Variants in SACS observed in about 807,000 individuals in gnomAD.
The protein encoded by SACS is sacsin.
In SACS, 197 loss-of-function variants were observed where a neutral mutation model predicts 348.0. That is an observed-to-expected ratio of 0.57 (90% CI 0.50 to 0.64). The LOEUF (loss-of-function observed/expected upper bound fraction) is 0.64. SACS is among the 30% of genes least tolerant of loss of function. SACS has a pLI of 0.00. For synonymous variants in SACS, 1,985 were observed against 1,910.6 expected (o/e 1.04, Z -1.02); for missense variants, 4,999 against 5,360.8 (o/e 0.93, Z 2.11).
At position 23,411,341 on chromosome 13, in the gene SACS, G is replaced by T; in HGVS notation, c.-102C>A. 1.9e-6 allele frequency: 2 copies of T among 1,067,120 alleles called. No individual in the cohort carries two copies. The highest frequency in any genetic ancestry group is 2.9e-6 in the Non-Finnish European group (2 of 686,958). The allele number at this position is 1,067,120 out of a possible 1,614,324, so 66.1% of individuals were successfully genotyped here. On this transcript the variant is annotated 5_prime_UTR_variant, in exon 2 of 10. Transcript: ENST00000382292. ...TGCTTCCTTTAAATGTGTACTCCAA[G>T]TTCAGCTCTTCCTGCCAGGTGGAAA...
intron 2 of SACS, among the ~76,000 whole-genome samples, chr13:23,410,820 C>G (rs1873450188): frequency 6.6e-6 from 1 of 152,108 alleles, no homozygotes; most frequent in Non-Finnish European, 1.5e-5. Context: ...CTCTTTCTCT[C>G]TCCCCTCTCC....
chr13:23,329,989 T>C lies in SACS; in HGVS notation c.*147A>G. ...AGTTAAGGTTTTCCGTTGGTATTCATGTTCATAACAACTCCAGAATTCTCC... is the reference window on the plus strand; with the variant it reads ...AGTTAAGGTTTTCCGTTGGTATTCACGTTCATAACAACTCCAGAATTCTCC... On this transcript the variant is annotated 3_prime_UTR_variant, in exon 10 of 10. Transcript: ENST00000382292. The C allele has an allele frequency of 4.0e-6, 3 of 745,426 alleles. No homozygotes were observed. The highest frequency in any genetic ancestry group is 2.2e-6 in the Non-Finnish European group (1 of 454,200). 46.2% of individuals were successfully genotyped at this position (745,426 alleles called of 1,614,324 possible).
rs758634289 is a variant in SACS at position 23,354,992 on chromosome 13, T to C, written c.1620A>G (p.Lys540=). 14 of 1,614,230 alleles carry C rather than the reference T, an allele frequency of 8.7e-6. No individual in the cohort carries two copies. The South Asian group carries it at 1.4e-4, about 16-fold the overall frequency. ...ACACCGGTTGCCAGTGCACCTTGAC[T>C]TTGCTCGCCTCCGGCCAAAGCTTAT... ...VIYKLWPEAS[K]VKVHWQPVLE... Residue 540 remains lysine, a synonymous_variant, in exon 8 of 10, where the codon AAA becomes AAG. Coordinates refer to ENST00000382292, the MANE Select transcript of SACS (RefSeq NM_014363.6).
intron 6 of SACS, 59 bp downstream of exon 6, chr13:23,365,107 C>T (rs1311472901): frequency 9.5e-7 from 1 of 1,053,494 alleles, no homozygotes; most frequent in Non-Finnish European, 1.5e-6. Context: ...CATTATTAAT[C>T]ATTAAAAACT....
At chr13:23,418,273 T>C (rs1156719387) in intron 1 of SACS, among the ~76,000 whole-genome samples, 4 of 152,186 alleles carry the variant, frequency 2.6e-5, no homozygotes, top group Non-Finnish European at 5.9e-5. Context: ...TTATCTTTCA[T>C]ATGGATAATA....
intron 1 of SACS, among the ~76,000 whole-genome samples, chr13:23,413,846 G>A (rs1873596198): frequency 6.6e-6 from 1 of 151,964 alleles, no homozygotes; most frequent in Admixed American, 6.6e-5. Flanking sequence ...TGTAAATTTA[G>A]GATTTAAGAA....
Position 23,355,969 on chromosome 13 carries a change from G to C in SACS, c.643C>G (p.Leu215Val). The C allele has an allele frequency of 6.2e-7, 1 of 1,613,944 alleles. No individual in the cohort carries two copies. Among genetic ancestry groups the C allele is most frequent in the Non-Finnish European group, 8.5e-7 (1 of 1,179,988 alleles). Residue 215 changes from leucine (L) to valine (V), a missense_variant, in exon 8 of 10, where the codon CTA becomes GTA. Leu to Val is a conservative substitution (Grantham distance 32). Transcript: ENST00000382292. ...CIFSGDQIGM[L>V]DPHQTLFGPH... ...CCAAAAAGTGTTTGATGAGGATCTA[G>C]CATCCCGATTTGGTCACCACTAAAG...
chr13:23,388,138 C>T (rs1014003402), intron 2 of SACS, among the ~76,000 whole-genome samples: 20 of 152,206 alleles, frequency 1.3e-4, no homozygotes, highest in Non-Finnish European at 2.6e-4. Flanking sequence ...CAAAAAGACA[C>T]CTGCACACAT....
At chr13:23,371,054 C>G in intron 4 of SACS, 24 bp downstream of exon 4, 1 of 1,443,584 alleles carries the variant, frequency 6.9e-7, no homozygotes, top group Non-Finnish European at 9.7e-7. Context: ...ATGGTATATA[C>G]TTCTGGTAAA....
chr13:23,354,998 C>T lies in SACS; in HGVS notation c.1614G>A (p.Ala538=), dbSNP rs1405327643. The part of the protein sequence containing the change: ...VDVIYKLWPE[A]SKVKVHWQPV... Reference sequence around the variant, plus strand: ...GTTGCCAGTGCACCTTGACTTTGCTCGCCTCCGGCCAAAGCTTATAGATAA... The same window carrying T: ...GTTGCCAGTGCACCTTGACTTTGCTTGCCTCCGGCCAAAGCTTATAGATAA... The change falls in exon 8 of 10, where the codon GCG becomes GCA. Residue 538 remains alanine, a synonymous_variant. Transcript: ENST00000382292. 22 of 1,614,094 alleles carry T rather than the reference C, an allele frequency of 1.4e-5. 1 individual carries two copies. The highest frequency in any genetic ancestry group is 2.2e-5 in the South Asian group (2 of 91,084).
intron 2 of SACS, among the ~76,000 whole-genome samples, chr13:23,410,292 A>G (rs17078717): frequency 0.29 from 43,590 of 152,048 alleles, 6,833 homozygotes; most frequent in East Asian, 0.46. Flanking sequence ...TAAAAATCAA[A>G]CCCATAAAGT....
Position 23,333,740 on chromosome 13 carries a change from A to G in SACS, c.10136T>C (p.Leu3379Ser). The G allele has an allele frequency of 1.2e-6, 2 of 1,613,796 alleles. No individual in the cohort carries two copies. Among genetic ancestry groups the G allele is most frequent in the Non-Finnish European group, 1.7e-6 (2 of 1,179,784 alleles). The change falls in exon 10 of 10, where the codon TTA becomes TCA. Residue 3379 changes from leucine (L) to serine (S), a missense_variant. This residue lies in a region of SACS where 734 missense variants were observed against 694.0 expected (regional missense o/e 1.06). Transcript: ENST00000382292. ...AAGTGCCTCAAAATCATTTTCTACT[A>G]ATTTTTCTGCTCTAAATGTTGAAGT... ...VQTSTFRAEK[L>S]VENDFEALLM...
chr13:23,347,795 C>A (rs919129368), intron 9 of SACS, among the ~76,000 whole-genome samples: 1 of 152,078 alleles, frequency 6.6e-6, no homozygotes, highest in African/African-American at 2.4e-5. Context: ...GGCAAGGAAG[C>A]CACATGTATC....
chr13:23,329,424 C>G lies in SACS; in HGVS notation c.*712G>C. On this transcript the variant is annotated 3_prime_UTR_variant, in exon 10 of 10. Transcript: ENST00000382292. ...CAGTTTCCAGAAACAATACTAACAACTGGTAATAAGAACTGCCACCATTTT... is the reference window on the plus strand; with the variant it reads ...CAGTTTCCAGAAACAATACTAACAAGTGGTAATAAGAACTGCCACCATTTT... 1.3e-6 allele frequency: 1 copy of G among 769,076 alleles called. No individual in the cohort carries two copies. Among genetic ancestry groups the G allele is most frequent in the Non-Finnish European group, 2.4e-6 (1 of 414,574 alleles). 47.6% of individuals were successfully genotyped at this position (769,076 alleles called of 1,614,324 possible). A position where few individuals can be genotyped will look rare whatever the true frequency, so the allele number is the denominator to read the frequency against.
At chr13:23,385,460 A>G (rs1334884456) in intron 2 of SACS, among the ~76,000 whole-genome samples, 2 of 151,906 alleles carry the variant, frequency 1.3e-5, no homozygotes, top group Non-Finnish European at 2.9e-5. Flanking sequence ...CCTGGGTTCA[A>G]GCGATTCTCC....
chr13:23,416,650 G>A (rs1463081458), intron 1 of SACS, among the ~76,000 whole-genome samples: 1 of 151,608 alleles, frequency 6.6e-6, no homozygotes, highest in African/African-American at 2.4e-5. Flanking sequence ...CCAGCTACTC[G>A]GGAGGCTGAG....
intron 1 of SACS, among the ~76,000 whole-genome samples, chr13:23,431,634 C>A (rs965070250): frequency 6.6e-6 from 1 of 152,178 alleles, no homozygotes; most frequent in Admixed American, 6.5e-5. Context: ...TGGTCAATAT[C>A]ATCATCACTG....
intron 2 of SACS, among the ~76,000 whole-genome samples, chr13:23,381,433 C>T (rs930796283): frequency 1.2e-4 from 18 of 151,778 alleles, no homozygotes; most frequent in African/African-American, 3.4e-4. Context: ...GCATGAAGCG[C>T]GCGCACACAC....
rs148914536 is a variant in SACS, at chr13:23,330,502, G to C, written c.13374C>G (p.Phe4458Leu). Reference protein sequence around the residue: ...RRWLRQARANFSAARNDLHKN... With the variant: ...RRWLRQARANLSAARNDLHKN... ...TATGAAGGTCATTCCTGGCAGCTGA[G>C]AAGTTTGCTCTGGCTTGTCTTAGCC... Residue 4458 changes from phenylalanine to leucine, a missense_variant, in exon 10 of 10, where the codon TTC (phenylalanine) becomes TTG (leucine). Around this residue, in one of 6 missense-constraint regions of SACS, gnomAD observed 254 missense variants for 275.1 expected, o/e 0.92. Transcript: ENST00000382292. 1.9e-6 allele frequency: 3 copies of C among 1,614,180 alleles called. No homozygotes were observed. Among genetic ancestry groups the C allele is most frequent in the South Asian group, 2.2e-5 (2 of 91,082 alleles).
Sources: allele counts gnomAD v4.1 joint callset (sites outside exome capture counted in the v4.1 genomes callset), GRCh38; gene constraint gnomAD v4.1.1; regional missense constraint gnomAD v4.1.1; transcripts MANE v1.5; gene names NCBI Gene and HGNC (gene_info 2026-07-23, HGNC 2026-07-21).